CNNM3: variants seen among roughly 807,000 people sequenced by gnomAD.
CNNM3 encodes metal transporter CNNM3.
CNNM3 carries 47 observed loss-of-function variants against 57.1 expected under a neutral mutation model. The observed-to-expected ratio is 0.82, with a 90% CI of 0.65 to 1.05. The LOEUF (loss-of-function observed/expected upper bound fraction) is 1.05, where lower values mean the gene tolerates loss of function less well. Ranked by LOEUF, CNNM3 falls within the 50% of genes least tolerant of loss-of-function variation. The pLI, the probability that CNNM3 is intolerant of heterozygous loss-of-function variation, is 0.00. For synonymous variants in CNNM3, 507 were observed against 478.2 expected, an observed-to-expected ratio of 1.06 and a Z score of -0.79; for missense variants, 957 against 973.7, an observed-to-expected ratio of 0.98 and a Z score of 0.23.
intron 1 of CNNM3, among the ~76,000 whole-genome samples, chr2:96,822,913 C>CAGAAA (rs1172838712): frequency 2.6e-5 from 4 of 152,196 alleles, no homozygotes; most frequent in Admixed American, 2.6e-4. Context: ...TTTTCCAGGG[C>CAGAAA]TTTCTGCTTG....
At position 96,833,631 on chromosome 2, in the gene CNNM3, T is replaced by G. The variant is rs1255950793; in HGVS notation, c.*1015T>G. 1 of 152,248 alleles carries G rather than the reference T, an allele frequency of 6.6e-6. No homozygotes were observed. The highest frequency in any genetic ancestry group is 1.5e-5 in the Non-Finnish European group (1 of 68,082). The allele number at this position is 152,248 out of a possible 1,614,324, so 9.4% of individuals were successfully genotyped here. A position where few individuals can be genotyped will look rare whatever the true frequency, so the allele number is the denominator to read the frequency against. ...TCCTAGCTATGGGGTTTTAGAGAAG[T>G]GGGAACAGGAAGGCATTTGTCTTTT... is the stretch of plus-strand genomic sequence containing the variant. On this transcript the variant is annotated 3_prime_UTR_variant, in exon 8 of 8. Transcript: ENST00000305510.
intron 7 of CNNM3, chr2:96,831,987 C>T: frequency 1.0e-6 from 1 of 986,192 alleles, no homozygotes; most frequent in Non-Finnish European, 1.2e-6. Context: ...GTAGACCTTT[C>T]CCTCTTTGGC....
intron 3 of CNNM3, 109 bp from the exon 4 acceptor site, chr2:96,827,622 G>T: frequency 8.6e-7 from 1 of 1,161,128 alleles, no homozygotes; most frequent in East Asian, 2.4e-5. Context: ...CAGGCCACCC[G>T]GGAGATCCCT....
At chr2:96,828,851 A>C in intron 6 of CNNM3, 145 bp from the exon 7 acceptor site, 1 of 1,481,568 alleles carries the variant, frequency 6.7e-7, no homozygotes, top group East Asian at 2.3e-5. Flanking sequence ...CAAGGTCTTA[A>C]AAACACTTGA....
chr2:96,818,149 G>A (rs898897060), intron 1 of CNNM3, among the ~76,000 whole-genome samples: 17 of 152,226 alleles, frequency 1.1e-4, no homozygotes, highest in Non-Finnish European at 2.2e-4. Flanking sequence ...TGCAGTGGCC[G>A]ATCTCTTATC....
chr2:96,819,747 A>G (rs2079379089), intron 1 of CNNM3, among the ~76,000 whole-genome samples: 1 of 152,138 alleles, frequency 6.6e-6, no homozygotes, highest in Admixed American at 6.5e-5. Context: ...GTCACCAAGC[A>G]GAGATTTGGA....
Position 96,816,525 on chromosome 2 carries a change from G to GGGCGGGCTGCCGGGAGGA in CNNM3, c.254_271dup (p.Gly85_Ala90dup), listed in dbSNP as rs777430786. 8.0e-6 allele frequency: 11 copies of GGGCGGGCTGCCGGGAGGA among 1,376,564 alleles called. No individual in the cohort carries two copies. The African/African-American group carries it at 1.1e-4, about 13-fold the overall frequency. 85.3% of individuals were successfully genotyped at this position (1,376,564 alleles called of 1,614,324 possible). A position where few individuals can be genotyped will look rare whatever the true frequency, so the allele number is the denominator to read the frequency against. ...TCTTGGTCCTGGGTGGCCCCGGAGG[G>GGGCGGGCTGCCGGGAGGA]GGCGGGCTGCCGGGAGGAGGCGGCC... On this transcript the variant is annotated inframe_insertion, in exon 1 of 8. Coordinates refer to ENST00000305510, the MANE Select transcript of CNNM3 (RefSeq NM_017623.5).
At position 96,834,625 on chromosome 2, in the gene CNNM3, A is replaced by G. The variant is rs1385132481; in HGVS notation, c.*2009A>G. On this transcript the variant is annotated 3_prime_UTR_variant, in exon 8 of 8. Coordinates refer to ENST00000305510, the MANE Select transcript of CNNM3 (RefSeq NM_017623.5). Reference sequence around the variant, plus strand: ...CGGCCTCCCAAAGTGTTGAGATTATAGGCGTGAGCCACCGTGCCCAGATTC... The same window carrying G: ...CGGCCTCCCAAAGTGTTGAGATTATGGGCGTGAGCCACCGTGCCCAGATTC... Among the ~76,000 whole-genome samples, 2 of 146,736 alleles carry G rather than the reference A, an allele frequency of 1.4e-5. No homozygotes were observed. The highest frequency in any genetic ancestry group is 2.6e-5 in the African/African-American group (1 of 37,906).
rs974542729 is a variant in CNNM3 at position 96,816,840 on chromosome 2, G to T, written c.563G>T (p.Arg188Leu). 7.7e-6 allele frequency: 8 copies of T among 1,045,446 alleles called. No homozygotes were observed. The highest frequency in any genetic ancestry group is 9.2e-6 in the Non-Finnish European group (8 of 872,164). 64.8% of individuals were successfully genotyped at this position (1,045,446 alleles called of 1,614,324 possible). A position where few individuals can be genotyped will look rare whatever the true frequency, so the allele number is the denominator to read the frequency against. The change falls in exon 1 of 8, where the codon CGG (arginine) becomes CTG (leucine). Residue 188 changes from arginine (R) to leucine (L), a missense_variant. Physicochemically the swap from Arg to Leu is moderately radical, Grantham distance 102 (BLOSUM62 -2). This residue lies in a region of CNNM3 where 466 missense variants were observed against 403.1 expected (regional missense o/e 1.16). Coordinates refer to ENST00000305510, the MANE Select transcript of CNNM3 (RefSeq NM_017623.5). ...GCGGCGCGGCGTTTGGAGCCCGCGC[G>T]GCGCTGGGCCGGCTGCGCCTTGGGC... ...RAAARRLEPA[R>L]RWAGCALGAL... is the part of the protein sequence containing the mutation.
At chr2:96,832,403 C>A in intron 7 of CNNM3, 149 bp from the exon 8 acceptor site, 2 of 1,510,164 alleles carry the variant, frequency 1.3e-6, no homozygotes, top group Non-Finnish European at 1.8e-6. Context: ...GCTAACCAGT[C>A]GCTCCTGTTT....
intron 7 of CNNM3, 48 bp from the exon 8 acceptor site, chr2:96,832,504 A>G: frequency 6.2e-7 from 1 of 1,612,744 alleles, no homozygotes; most frequent in Non-Finnish European, 8.5e-7. Context: ...TTTTGACAGG[A>G]TACTTTACCA....
chr2:96,824,417 C>T (rs992837063), intron 1 of CNNM3: 1 of 152,990 alleles, frequency 6.5e-6, no homozygotes, highest in Non-Finnish European at 1.5e-5. Context: ...ATTAGGAAAA[C>T]CAAAAGATAC....
Position 96,816,524 on chromosome 2 carries a change from G to C in CNNM3, c.247G>C (p.Gly83Arg). The C allele has an allele frequency of 7.3e-7, 1 of 1,376,700 alleles. No homozygotes were observed. The allele number at this position is 1,376,700 out of a possible 1,614,324, so 85.3% of individuals were successfully genotyped here. A position where few individuals can be genotyped will look rare whatever the true frequency, so the allele number is the denominator to read the frequency against. The part of the protein sequence containing the change: ...NSSWSWVAPE[G>R]AGCREEAASP... ...CTCTTGGTCCTGGGTGGCCCCGGAG[G>C]GGGCGGGCTGCCGGGAGGAGGCGGC... is the stretch of plus-strand genomic sequence containing the variant. The change falls in exon 1 of 8, where the codon GGG (glycine) becomes CGG (arginine). Residue 83 changes from glycine (G) to arginine (R), a missense_variant. By Grantham distance (125) the Gly-to-Arg change is moderately radical (BLOSUM62 -2). Transcript: ENST00000305510.
Position 96,825,052 on chromosome 2 carries a change from C to G in CNNM3, c.1226-6C>G, listed in dbSNP as rs376888675. 2.4e-5 allele frequency: 38 copies of G among 1,612,228 alleles called. No homozygotes were observed. The highest frequency in any genetic ancestry group is 2.8e-5 in the Non-Finnish European group (33 of 1,179,918). On this transcript the variant is annotated splice_polypyrimidine_tract_variant and splice_region_variant and intron_variant, in intron 1 of 7. Transcript: ENST00000305510. ...AAGCTGTTCCATGAGTGTCCTCCCC[C>G]CACAGGGAAGTCCCACCTGGCCATC...
At chr2:96,818,552 C>T (rs1040713174) in intron 1 of CNNM3, among the ~76,000 whole-genome samples, 3 of 152,146 alleles carry the variant, frequency 2.0e-5, no homozygotes, top group Non-Finnish European at 4.4e-5. Context: ...CGCCCAGCCT[C>T]ACCTCTTCTT....
intron 3 of CNNM3, 106 bp downstream of exon 3, chr2:96,827,088 G>A: frequency 7.5e-7 from 1 of 1,341,656 alleles, no homozygotes; most frequent in Non-Finnish European, 1.0e-6. Flanking sequence ...TAGCAGGCGG[G>A]TGCGTCTTGA....
rs1445885926 is a variant in CNNM3, at chr2:96,833,788, C to T, written c.*1172C>T. 6.6e-6 allele frequency: 1 copy of T among 152,262 alleles called. No individual in the cohort carries two copies. Among genetic ancestry groups the T allele is most frequent in the South Asian group, 2.1e-4 (1 of 4,820 alleles). The allele number at this position is 152,262 out of a possible 1,614,324, so 9.4% of individuals were successfully genotyped here. A position where few individuals can be genotyped will look rare whatever the true frequency, so the allele number is the denominator to read the frequency against. ...GAACTTTTCTCAAAGGAATTTGGACCCTTATAAATGGGACTGAAGGTCAAA... is the reference window on the plus strand; with the variant it reads ...GAACTTTTCTCAAAGGAATTTGGACTCTTATAAATGGGACTGAAGGTCAAA... On this transcript the variant is annotated 3_prime_UTR_variant, in exon 8 of 8. Transcript: ENST00000305510.
Position 96,817,351 on chromosome 2 carries a change from C to G in CNNM3, c.1074C>G (p.Asn358Lys). 6.2e-7 allele frequency: 1 copy of G among 1,614,194 alleles called. No homozygotes were observed. The highest frequency in any genetic ancestry group is 8.5e-7 in the Non-Finnish European group (1 of 1,180,040). Reference protein sequence around the residue: ...RIPVYEEERSNIVDMLYLKDL... With the variant: ...RIPVYEEERSKIVDMLYLKDL... ...CGGTGTACGAGGAGGAGCGCTCCAACATCGTGGACATGCTCTACCTCAAGG... is the reference window on the plus strand; with the variant it reads ...CGGTGTACGAGGAGGAGCGCTCCAAGATCGTGGACATGCTCTACCTCAAGG... The change falls in exon 1 of 8, where the codon AAC becomes AAG. Residue 358 changes from asparagine (N) to lysine (K), a missense_variant. By Grantham distance (94) the Asn-to-Lys change is moderately conservative. Transcript: ENST00000305510.
Position 96,832,614 on chromosome 2 carries a change from T to C in CNNM3, c.2122T>C (p.Ter708GlnextTer38), listed in dbSNP as rs767136408. 1.9e-6 allele frequency: 3 copies of C among 1,613,716 alleles called. No homozygotes were observed. The highest frequency in any genetic ancestry group is 2.2e-5 in the South Asian group (2 of 91,076). Reference protein sequence around the residue: ...EGSPGRNPGV* With the variant: ...EGSPGRNPGVQ Reference sequence around the variant, plus strand: ...CAGCCCTGGGCGGAACCCAGGCGTTTAACGGCTCACTAGGCAGCCCCAGAT... The same window carrying C: ...CAGCCCTGGGCGGAACCCAGGCGTTCAACGGCTCACTAGGCAGCCCCAGAT... The change falls in exon 8 of 8, where the codon TAA (stop) becomes CAA (glutamine). Residue 708 changes from the stop codon to glutamine (Q), a stop_lost. Transcript: ENST00000305510.
Sources: gnomAD v4.1 joint callset for allele counts (sites outside exome capture counted in the v4.1 genomes callset) on GRCh38, gnomAD v4.1.1 for gene constraint, gnomAD v4.1.1 regional missense constraint, MANE v1.5 for transcripts, NCBI Gene and HGNC (gene_info 2026-07-23, HGNC 2026-07-21) for gene names.